Variants in CAND1 observed in about 807,000 individuals in gnomAD.
The protein encoded by CAND1 is cullin-associated NEDD8-dissociated protein 1.
Under a neutral mutation model 108.5 loss-of-function variants are expected in CAND1, and 7 were observed. That is an observed-to-expected ratio of 0.06 (90% confidence interval 0.04 to 0.12). The LOEUF is 0.12. CAND1 is among the 10% of genes least tolerant of loss of function. CAND1 has a pLI of 1.00. For synonymous variants in CAND1, 534 were observed against 512.0 expected (o/e 1.04, Z -0.58); for missense variants, 941 against 1,448.7 (o/e 0.65, Z 5.69).
chr12:67,269,614 G>T lies in CAND1; in HGVS notation c.-104G>T. On this transcript the variant is annotated 5_prime_UTR_variant, in exon 1 of 15. Coordinates refer to ENST00000545606, the MANE Select transcript of CAND1 (RefSeq NM_018448.5). ...TCGCGCTGCGACCCTGGAAGCGGGA[G>T]CCGCCGCGAGCGAGAGGAGGAGCTC... The T allele has an allele frequency of 1.0e-6, 1 of 992,470 alleles. No individual in the cohort carries two copies. The highest frequency in any genetic ancestry group is 1.5e-6 in the Non-Finnish European group (1 of 666,984). The allele number at this position is 992,470 out of a possible 1,614,324, so 61.5% of individuals were successfully genotyped here.
At chr12:67,277,306 A>G (rs1215898566) in intron 1 of CAND1, among the ~76,000 whole-genome samples, 1 of 152,210 alleles carries the variant, frequency 6.6e-6, no homozygotes, top group East Asian at 1.9e-4. Context: ...GAGTCACATT[A>G]TTTTAATCAG....
At chr12:67,303,046 T>C (rs142020816) in intron 8 of CAND1, among the ~76,000 whole-genome samples, 1 of 152,376 alleles carries the variant, frequency 6.6e-6, no homozygotes, top group African/African-American at 2.4e-5. Flanking sequence ...AGCTGGGTGA[T>C]CTGTGTAGAG....
chr12:67,292,694 G>A lies in CAND1; in HGVS notation c.285G>A (p.Met95Ile). ...TTGTAGATACCCTCTGCACTAACAT[G>A]CTTTCTGATAAAGAACAACTTCGAG... ...ETIVDTLCTN[M>I]LSDKEQLRDI... The change falls in exon 3 of 15, where the codon ATG becomes ATA. Residue 95 changes from methionine to isoleucine, a missense_variant. This residue lies in a region of CAND1 where 44 missense variants were observed against 129.1 expected (regional missense o/e 0.34). Coordinates refer to ENST00000545606, the MANE Select transcript of CAND1 (RefSeq NM_018448.5). 2 of 1,613,562 alleles carry A rather than the reference G, an allele frequency of 1.2e-6. No homozygotes were observed. Among genetic ancestry groups the A allele is most frequent in the South Asian group, 1.1e-5 (1 of 91,034 alleles).
intron 1 of CAND1, 184 bp downstream of exon 1, chr12:67,269,969 C>T (rs1201947032): frequency 7.3e-6 from 4 of 550,646 alleles, no homozygotes; most frequent in Non-Finnish European, 1.3e-5. Context: ...CCTCTTGCAA[C>T]CCCCTCCCCC....
intron 13 of CAND1, chr12:67,310,754 T>C (rs370766936): frequency 2.0e-5 from 3 of 153,168 alleles, no homozygotes; most frequent in African/African-American, 7.2e-5. Flanking sequence ...GAATTGTAAC[T>C]GTATCATTTA....
At chr12:67,279,848 G>A (rs1309339964) in intron 1 of CAND1, among the ~76,000 whole-genome samples, 1 of 152,158 alleles carries the variant, frequency 6.6e-6, no homozygotes, top group African/African-American at 2.4e-5. Context: ...TTAAATTGAT[G>A]ATCCCTGTTT....
chr12:67,305,926 G>A lies in CAND1; in HGVS notation c.2258G>A (p.Ser753Asn). Reference sequence around the variant, plus strand: ...CCCTTATTGCAGGGGGGAGCTCTTAGTGCCATGCTAGACTTTTTCCAAGCT... The same window carrying A: ...CCCTTATTGCAGGGGGGAGCTCTTAATGCCATGCTAGACTTTTTCCAAGCT... ...RSPLLQGGAL[S>N]AMLDFFQALV... The change falls in exon 10 of 15, where the codon AGT becomes AAT. Residue 753 changes from serine to asparagine, a missense_variant. Physicochemically the swap from Ser to Asn is conservative, Grantham distance 46. Around this residue, in one of 9 missense-constraint regions of CAND1, gnomAD observed 697 missense variants for 942.0 expected, o/e 0.74. Coordinates refer to ENST00000545606, the MANE Select transcript of CAND1 (RefSeq NM_018448.5). This position sits in a 1 kb window ranked among gnomAD's most constrained non-coding sequence, Gnocchi z 4.4. The A allele has an allele frequency of 6.2e-7, 1 of 1,614,150 alleles. No individual in the cohort carries two copies. Among genetic ancestry groups the A allele is most frequent in the South Asian group, 1.1e-5 (1 of 91,080 alleles).
chr12:67,306,610 A>G lies in CAND1; in HGVS notation c.2929+13A>G. 1.3e-6 allele frequency: 2 copies of G among 1,553,730 alleles called. No individual in the cohort carries two copies. Among genetic ancestry groups the G allele is most frequent in the South Asian group, 2.5e-5 (2 of 81,192 alleles). ...TACTTGATATCAGGTAGGTATCTAG[A>G]TTTTCTTACTTAAAAAGTTTTTTAT... On this transcript the variant is annotated intron_variant, in intron 10 of 14. Coordinates refer to ENST00000545606, the MANE Select transcript of CAND1 (RefSeq NM_018448.5).
chr12:67,312,696 C>A lies in CAND1; in HGVS notation c.3559C>A (p.Pro1187Thr), dbSNP rs140637003. 3 of 1,613,532 alleles carry A rather than the reference C, an allele frequency of 1.9e-6. No individual in the cohort carries two copies. The highest frequency in any genetic ancestry group is 2.5e-6 in the Non-Finnish European group (3 of 1,179,696). ...MRAVAALLTI[P>T]EAEKSPLMSE... ...AGCAGTAGCAGCACTGCTAACCATT[C>A]CAGAAGCAGAGAAGAGTCCACTGAT... Residue 1187 changes from proline (P) to threonine (T), a missense_variant, in exon 15 of 15, where the codon CCA (proline) becomes ACA (threonine). Physicochemically the swap from Pro to Thr is conservative, Grantham distance 38 (BLOSUM62 -1). Transcript: ENST00000545606.
At position 67,295,033 on chromosome 12, in the gene CAND1, G is replaced by A; in HGVS notation, c.368G>A (p.Gly123Asp). The A allele has an allele frequency of 1.2e-6, 2 of 1,609,408 alleles. No individual in the cohort carries two copies. The highest frequency in any genetic ancestry group is 2.2e-5 in the East Asian group (1 of 44,658). ...VIGELPPASS[G>D]SALAANVCKK... ...TATTATTGGCTTCTTATTCATGCAGGCTCTGCATTAGCTGCTAATGTATGT... is the reference window on the plus strand; with the variant it reads ...TATTATTGGCTTCTTATTCATGCAGACTCTGCATTAGCTGCTAATGTATGT... The change falls in exon 4 of 15, where the codon GGC becomes GAC. Residue 123 changes from glycine to aspartate, a missense_variant and splice_region_variant. Transcript: ENST00000545606.
Position 67,312,959 on chromosome 12 carries a change from G to C in CAND1, c.*129G>C. The C allele has an allele frequency of 1.8e-6, 1 of 560,868 alleles. No homozygotes were observed. The highest frequency in any genetic ancestry group is 3.0e-6 in the Non-Finnish European group (1 of 329,002). The allele number at this position is 560,868 out of a possible 1,614,324, so 34.7% of individuals were successfully genotyped here. ...GTTCCACTTTTTTTTCCTTCATGGA[G>C]ACTGTTTGTTTGGCTTTCTTCCATT... On this transcript the variant is annotated 3_prime_UTR_variant, in exon 15 of 15. Coordinates refer to ENST00000545606, the MANE Select transcript of CAND1 (RefSeq NM_018448.5).
chr12:67,295,607 T>G (rs2044761850), intron 4 of CAND1, among the ~76,000 whole-genome samples: 1 of 152,160 alleles, frequency 6.6e-6, no homozygotes, highest in African/African-American at 2.4e-5. Context: ...TCACTTTCCT[T>G]TGGAAGTCAG....
At chr12:67,304,043 G>A (rs1337017192) in intron 8 of CAND1, among the ~76,000 whole-genome samples, 3 of 147,926 alleles carry the variant, frequency 2.0e-5, no homozygotes, top group South Asian at 2.1e-4. Context: ...AGGCTGGAGC[G>A]CAGTGGTGCT....
chr12:67,305,447 G>C lies in CAND1; in HGVS notation c.1779G>C (p.Met593Ile), dbSNP rs777118495. 5.6e-6 allele frequency: 9 copies of C among 1,613,412 alleles called. No individual in the cohort carries two copies. Among genetic ancestry groups the C allele is most frequent in the African/African-American group, 1.3e-5 (1 of 74,908 alleles). The change falls in exon 10 of 15, where the codon ATG (methionine) becomes ATC (isoleucine). Residue 593 changes from methionine (M) to isoleucine (I), a missense_variant. Physicochemically the swap from Met to Ile is conservative, Grantham distance 10 (BLOSUM62 1). Around this residue, in one of 9 missense-constraint regions of CAND1, gnomAD observed 697 missense variants for 942.0 expected, o/e 0.74. Coordinates refer to ENST00000545606, the MANE Select transcript of CAND1 (RefSeq NM_018448.5). The surrounding 1 kb of genome is among the most constrained non-coding windows in gnomAD (Gnocchi z 4.4). ...TCAAGGAAAGGGCTATTTCCTGTAT[G>C]GGACAAATTATTTGCAACCTTGGAG... ...QEVKERAISC[M>I]GQIICNLGDN...
rs138338813 is a variant in CAND1 at position 67,318,733 on chromosome 12, T to C, written c.*5903T>C. ...GGTGCTGCCAGGGCTACAAAAGCTG[T>C]TGAGACTGTACTTGATATGAAGAAG... On this transcript the variant is annotated 3_prime_UTR_variant, in exon 15 of 15. Coordinates refer to ENST00000545606, the MANE Select transcript of CAND1 (RefSeq NM_018448.5). The C allele has an allele frequency of 1.4e-3, 216 of 152,270 alleles. No homozygotes were observed. Among genetic ancestry groups the C allele is most frequent in the African/African-American group, 5.1e-3 (210 of 41,554 alleles). 9.4% of individuals were successfully genotyped at this position (152,270 alleles called of 1,614,324 possible). A position where few individuals can be genotyped will look rare whatever the true frequency, so the allele number is the denominator to read the frequency against.
rs771093103 is a variant in CAND1, at chr12:67,305,153, C to A, written c.1485C>A (p.Ile495=). Residue 495 remains isoleucine, a synonymous_variant, in exon 10 of 15, where the codon ATC becomes ATA. Transcript: ENST00000545606. The surrounding 1 kb of genome is among the most constrained non-coding windows in gnomAD (Gnocchi z 4.4). ...AATCAAGCTCATCGAATTTGAAGATCGATGCTTTGTCATGTCTATACGTAA... is the reference window on the plus strand; with the variant it reads ...AATCAAGCTCATCGAATTTGAAGATAGATGCTTTGTCATGTCTATACGTAA... ...NDKSSSSNLK[I]DALSCLYVIL... 6 of 1,611,536 alleles carry A rather than the reference C, an allele frequency of 3.7e-6. No individual in the cohort carries two copies. The highest frequency in any genetic ancestry group is 1.1e-5 in the South Asian group (1 of 90,124).
At chr12:67,281,782 G>T in intron 1 of CAND1, 128 bp from the exon 2 acceptor site, 1 of 583,768 alleles carries the variant, frequency 1.7e-6, no homozygotes, top group Non-Finnish European at 2.8e-6. Context: ...TTTTTAAAAA[G>T]TGGATGAGTT....
At chr12:67,285,710 G>A (rs926172806) in intron 2 of CAND1, among the ~76,000 whole-genome samples, 3 of 152,054 alleles carry the variant, frequency 2.0e-5, no homozygotes, top group African/African-American at 7.2e-5. Context: ...TCCAATCAAG[G>A]TCACTATTAT....
chr12:67,311,854 A>G, intron 14 of CAND1, 54 bp downstream of exon 14: 1 of 1,003,236 alleles, frequency 1.0e-6, no homozygotes. Context: ...GGGGATTCCT[A>G]GCCAATTCTT....
Sources: gnomAD v4.1 joint callset for allele counts (sites outside exome capture counted in the v4.1 genomes callset) on GRCh38, gnomAD v4.1.1 for gene constraint, gnomAD v4.1.1 regional missense constraint, Gnocchi (gnomAD v3.1) non-coding constraint, MANE v1.5 for transcripts, NCBI Gene and HGNC (gene_info 2026-07-23, HGNC 2026-07-21) for gene names.